Variants in ZC3H3 observed in about 807,000 individuals in gnomAD.
ZC3H3 encodes zinc finger CCCH domain-containing protein 3.
Under a neutral mutation model 77.3 loss-of-function variants are expected in ZC3H3, and 36 were observed. That is an observed-to-expected ratio of 0.47 (90% CI 0.36 to 0.61). The LOEUF is 0.61. ZC3H3 is among the 20% of genes least tolerant of loss of function. The probability of loss-of-function intolerance (pLI) is 0.00; values close to 1 mark genes in which losing one functional copy is unlikely to be tolerated. For missense variants in ZC3H3, 1,331 were observed against 1,312.2 expected (o/e 1.01, Z -0.22); for synonymous variants, 626 against 555.2 (o/e 1.13, Z -1.79).
At chr8:143,471,034 G>A (rs1222124334) in intron 5 of ZC3H3, among the ~76,000 whole-genome samples, 1 of 152,198 alleles carries the variant, frequency 6.6e-6, no homozygotes, top group African/African-American at 2.4e-5. Flanking sequence ...AGGCAAGCGG[G>A]GTGGGGGCCT....
At chr8:143,440,799 T>G in intron 10 of ZC3H3, 137 bp downstream of exon 10, 3 of 1,041,226 alleles carry the variant, frequency 2.9e-6, no homozygotes, top group Non-Finnish European at 3.8e-6. Flanking sequence ...ATCCCCAGCC[T>G]TGGATAGGGA....
intron 9 of ZC3H3, among the ~76,000 whole-genome samples, chr8:143,452,456 G>T (rs73715603): frequency 6.6e-6 from 1 of 152,194 alleles, no homozygotes; most frequent in Non-Finnish European, 1.5e-5. Context: ...CACAGAAAGT[G>T]GCTGCTCACA....
intron 4 of ZC3H3, among the ~76,000 whole-genome samples, chr8:143,477,102 T>G (rs1392375495): frequency 6.6e-6 from 1 of 152,190 alleles, no homozygotes; most frequent in Non-Finnish European, 1.5e-5. Flanking sequence ...CACTCAGCCC[T>G]GCAACCCCTC....
intron 4 of ZC3H3, among the ~76,000 whole-genome samples, chr8:143,499,400 G>A (rs1256573629): frequency 1.3e-5 from 2 of 149,698 alleles, no homozygotes; most frequent in Non-Finnish European, 3.0e-5. Flanking sequence ...AGGGCTCCCC[G>A]CCCCCTCTGT....
rs763834602 is a variant in ZC3H3, at chr8:143,538,829, T to C, written c.538A>G (p.Arg180Gly). Residue 180 changes from arginine to glycine, a missense_variant, in exon 2 of 12, where the codon AGG becomes GGG. Arg to Gly is a moderately radical substitution (Grantham distance 125, BLOSUM62 -2). Coordinates refer to ENST00000262577, the MANE Select transcript of ZC3H3 (RefSeq NM_015117.3). ...QLQPSRPTRA[R>G]GTCSVEDPLL... ...GGATCTTCCACACTGCAGGTCCCCC[T>C]GGCTCTTGTTGGCCTCGAGGGCTGC... The C allele has an allele frequency of 1.2e-6, 2 of 1,612,234 alleles. No individual in the cohort carries two copies. Among genetic ancestry groups the C allele is most frequent in the South Asian group, 2.2e-5 (2 of 91,016 alleles).
rs34971859 is a variant in ZC3H3, at chr8:143,533,379, C to T, written c.1561+2878G>A. Among the ~76,000 whole-genome samples, 19,354 of 152,230 alleles carry T rather than the reference C, an allele frequency of 0.13. 1,438 individuals are homozygous for T. The highest frequency in any genetic ancestry group is 0.2 in the Admixed American group (3,118 of 15,300). On this transcript the variant is annotated intron_variant, in intron 3 of 11. Transcript: ENST00000262577. This position sits in a 1 kb window ranked among gnomAD's most constrained non-coding sequence, Gnocchi z 4.0. Reference sequence around the variant, plus strand: ...AAGCCCTCCCACTCGCCAACCACCTCTCTGCAGCTGGCCCTGTGCTCTCCC... The same window carrying T: ...AAGCCCTCCCACTCGCCAACCACCTTTCTGCAGCTGGCCCTGTGCTCTCCC...
intron 9 of ZC3H3, among the ~76,000 whole-genome samples, chr8:143,463,645 G>T (rs563754892): frequency 1.3e-5 from 2 of 152,328 alleles, no homozygotes; most frequent in East Asian, 1.9e-4. Context: ...CGTATCAGCC[G>T]GGGAGATCCC....
At position 143,533,200 on chromosome 8, in the gene ZC3H3, G is replaced by A. The variant is rs1017821195; in HGVS notation, c.1561+3057C>T. On this transcript the variant is annotated intron_variant, in intron 3 of 11. Transcript: ENST00000262577. The surrounding 1 kb of genome is among the most constrained non-coding windows in gnomAD (Gnocchi z 4.0). The stretch of plus-strand genomic sequence containing the variant: ...TCCCAGGACCTGGTCCCTCTGCCCC[G>A]TTGGCTGCATCCCCTCCAAGCCACA... 5.3e-5 allele frequency among the ~76,000 whole-genome samples: 8 copies of A among 151,968 alleles called. No homozygotes were observed. The highest frequency in any genetic ancestry group is 3.9e-4 in the East Asian group (2 of 5,182).
At chr8:143,479,857 G>A (rs1284606780) in intron 4 of ZC3H3, among the ~76,000 whole-genome samples, 2 of 152,202 alleles carry the variant, frequency 1.3e-5, no homozygotes, top group African/African-American at 2.4e-5. Context: ...CAGCAGTAAT[G>A]GGGAGAAAGA....
intron 3 of ZC3H3, among the ~76,000 whole-genome samples, chr8:143,516,352 G>A (rs532552464): frequency 5.3e-5 from 8 of 152,292 alleles, no homozygotes; most frequent in African/African-American, 9.6e-5. Context: ...CCACGGGGCC[G>A]CTGGGGCCCT....
intron 4 of ZC3H3, among the ~76,000 whole-genome samples, chr8:143,480,409 C>A (rs576447983): frequency 6.6e-6 from 1 of 152,362 alleles, no homozygotes; most frequent in Non-Finnish European, 1.5e-5. Context: ...GAGGGCACTG[C>A]CCGTGGCAGG....
chr8:143,444,633 G>T (rs954940043), intron 9 of ZC3H3, among the ~76,000 whole-genome samples: 3 of 152,196 alleles, frequency 2.0e-5, no homozygotes, highest in Admixed American at 2.0e-4. Flanking sequence ...TCACCTCACA[G>T]ATATGAAATA....
chr8:143,437,979 G>C lies in ZC3H3; in HGVS notation c.*77C>G. The C allele has an allele frequency of 6.4e-7, 1 of 1,560,000 alleles. No individual in the cohort carries two copies. Among genetic ancestry groups the C allele is most frequent in the Admixed American group, 1.9e-5 (1 of 52,154 alleles). On this transcript the variant is annotated 3_prime_UTR_variant, in exon 12 of 12. Transcript: ENST00000262577. ...TTGGTGGCGGGCGGCCCTCCTGTGG[G>C]GTAGAGTGGTGGACAGAGCCTCTTT...
At chr8:143,490,684 G>T (rs1387128789) in intron 4 of ZC3H3, among the ~76,000 whole-genome samples, 1 of 152,242 alleles carries the variant, frequency 6.6e-6, no homozygotes, top group Non-Finnish European at 1.5e-5. Context: ...GGAGGCCAAG[G>T]CAGGCGGATC....
intron 4 of ZC3H3, among the ~76,000 whole-genome samples, chr8:143,490,756 A>G (rs1450535395): frequency 6.6e-6 from 1 of 152,156 alleles, no homozygotes; most frequent in Non-Finnish European, 1.5e-5. Context: ...CTCTACTAAA[A>G]ATACAAAAAT....
chr8:143,498,902 C>T (rs1421423651), intron 4 of ZC3H3, among the ~76,000 whole-genome samples: 1,484 of 31,214 alleles, frequency 0.048, 39 homozygotes, highest in African/African-American at 0.15. Flanking sequence ...CAGGGCGGGG[C>T]GGAGGGGCAC....
chr8:143,462,255 G>A lies in ZC3H3; in HGVS notation c.2307+3462C>T, dbSNP rs1309601127. 1.3e-5 allele frequency among the ~76,000 whole-genome samples: 2 copies of A among 152,180 alleles called. No individual in the cohort carries two copies. Among genetic ancestry groups the A allele is most frequent in the Non-Finnish European group, 2.9e-5 (2 of 68,040 alleles). On this transcript the variant is annotated intron_variant, in intron 9 of 11. Coordinates refer to ENST00000262577, the MANE Select transcript of ZC3H3 (RefSeq NM_015117.3). This position sits in a 1 kb window ranked among gnomAD's most constrained non-coding sequence, Gnocchi z 4.7. ...ATATAAAAGGAGACTGAGGCCAGAG[G>A]AGGAAGTAACCGTGCAGGGACAAGC... is the stretch of plus-strand genomic sequence containing the variant.
intron 9 of ZC3H3, among the ~76,000 whole-genome samples, chr8:143,459,996 C>T (rs113467585): frequency 3.3e-5 from 5 of 152,176 alleles, no homozygotes; most frequent in African/African-American, 1.2e-4. Flanking sequence ...CCTATAATCC[C>T]AGCACTTTGG....
chr8:143,469,001 C>G (rs1820490486), intron 5 of ZC3H3, among the ~76,000 whole-genome samples: 2 of 152,358 alleles, frequency 1.3e-5, no homozygotes, highest in South Asian at 4.1e-4. Context: ...GCTGGAGACG[C>G]CCGCCTGTCC....
Sources: gnomAD v4.1 joint callset for allele counts (sites outside exome capture counted in the v4.1 genomes callset) on GRCh38, gnomAD v4.1.1 for gene constraint, Gnocchi (gnomAD v3.1) non-coding constraint, MANE v1.5 for transcripts, NCBI Gene and HGNC (gene_info 2026-07-23, HGNC 2026-07-21) for gene names.